CLEC4C: variants seen among roughly 807,000 people sequenced by gnomAD.
The protein encoded by CLEC4C is C-type (calcium dependent, carbohydrate-recognition domain) lectin, superfamily member 11.
CLEC4C carries 17 observed loss-of-function variants against 27.7 expected under a neutral mutation model. The ratio of observed to expected loss-of-function variants is 0.61; its 90% CI spans 0.42 to 0.92. CLEC4C has a LOEUF of 0.92. CLEC4C is among the 40% of genes least tolerant of loss of function. The pLI is 0.00. For synonymous variants in CLEC4C, 80 were observed against 80.8 expected (o/e 0.99, Z 0.06); for missense variants, 244 against 257.3 (o/e 0.95, Z 0.35).
At chr12:7,732,817 C>T (rs1393491476) in intron 4 of CLEC4C, among the ~76,000 whole-genome samples, 6 of 150,766 alleles carry the variant, frequency 4.0e-5, no homozygotes, top group East Asian at 4.0e-4. Context: ...AAAAATTAGC[C>T]GGGCATGGTG....
At chr12:7,745,058 C>A (rs1864939867) in intron 2 of CLEC4C, among the ~76,000 whole-genome samples, 1 of 152,046 alleles carries the variant, frequency 6.6e-6, no homozygotes, top group African/African-American at 2.4e-5. Context: ...CTAGATGGTA[C>A]CCACCATCAG....
chr12:7,747,443 C>A (rs1865009106), upstream of CLEC4C: 5 of 1,304,312 alleles, frequency 3.8e-6, no homozygotes, highest in Non-Finnish European at 5.6e-6. Context: ...GGGTGTGGTT[C>A]TTTCAAACAA....
intron 5 of CLEC4C, 127 bp downstream of exon 5, chr12:7,730,670 A>G: frequency 2.0e-6 from 1 of 493,058 alleles, no homozygotes; most frequent in Non-Finnish European, 3.7e-6. Flanking sequence ...ACAACCCTTG[A>G]TGTCAAATAG....
chr12:7,733,535 G>T (rs1864648112), intron 4 of CLEC4C, among the ~76,000 whole-genome samples: 1 of 147,314 alleles, frequency 6.8e-6, no homozygotes, highest in Non-Finnish European at 1.5e-5. Flanking sequence ...AGGCTAGAGT[G>T]CAGTGGCGAG....
chr12:7,747,548 T>C (rs1865011757), upstream of CLEC4C: 2 of 422,666 alleles, frequency 4.7e-6, no homozygotes, highest in South Asian at 9.1e-5. Context: ...ATTTAAAACA[T>C]ACATCATGTT....
intron 3 of CLEC4C, among the ~76,000 whole-genome samples, chr12:7,740,171 T>C (rs1157351143): frequency 2.0e-5 from 3 of 151,576 alleles, no homozygotes; most frequent in Non-Finnish European, 4.4e-5. Flanking sequence ...AGAGTTGAGG[T>C]CCCATCTTGT....
Position 7,742,901 on chromosome 12 carries a change from C to T in CLEC4C, c.125-1370G>A, listed in dbSNP as rs759122008. Among the ~76,000 whole-genome samples, 100 of 152,284 alleles carry T rather than the reference C, an allele frequency of 6.6e-4. 1 individual carries two copies. The highest frequency in any genetic ancestry group is 2.2e-3 in the African/African-American group (93 of 41,556). On this transcript the variant is annotated intron_variant, in intron 2 of 5. Coordinates refer to ENST00000360345, the MANE Select transcript of CLEC4C (RefSeq NM_001371390.1). Reference sequence around the variant, plus strand: ...TCTGCAACATCTCTCTCTTGCCCATCCCATTTCAAGCCGTACTGTTTTTTT... The same window carrying T: ...TCTGCAACATCTCTCTCTTGCCCATTCCATTTCAAGCCGTACTGTTTTTTT...
chr12:7,733,646 T>C (rs1302693107), intron 4 of CLEC4C, among the ~76,000 whole-genome samples: 1 of 151,374 alleles, frequency 6.6e-6, no homozygotes, highest in Non-Finnish European at 1.5e-5. Flanking sequence ...CATGCCCTGC[T>C]AATTTTTTGT....
intron 4 of CLEC4C, among the ~76,000 whole-genome samples, chr12:7,734,297 G>A (rs181339170): frequency 1.7e-3 from 258 of 152,268 alleles, no homozygotes; most frequent in African/African-American, 5.9e-3. Flanking sequence ...CATGGCTGGG[G>A]AGACAGGATG....
In CLEC4C at chr12:7,747,168, G is replaced by A. The variant is rs1202497386; in HGVS notation, c.31+150C>T. 1.3e-5 allele frequency: 10 copies of A among 752,550 alleles called. No individual in the cohort carries two copies. The Middle Eastern group carries it at 7.6e-4, about 58-fold the overall frequency. The allele number at this position is 752,550 out of a possible 1,614,324, so 46.6% of individuals were successfully genotyped here. A position where few individuals can be genotyped will look rare whatever the true frequency, so the allele number is the denominator to read the frequency against. On this transcript the variant is annotated intron_variant, in intron 1 of 5. Coordinates refer to ENST00000360345, the MANE Select transcript of CLEC4C (RefSeq NM_001371390.1). ...ATCTTTCCCTGATCCAAGTATCTTG[G>A]GTCCATACCTGTTTCCATACTGAAA...
In CLEC4C at chr12:7,733,014, T is replaced by C. The variant is rs1864636698; in HGVS notation, c.382-2102A>G. Among the ~76,000 whole-genome samples, 5 of 152,028 alleles carry C rather than the reference T, an allele frequency of 3.3e-5. No individual in the cohort carries two copies. In the South Asian group the frequency reaches 1.0e-3, roughly 31 times the overall value. On this transcript the variant is annotated intron_variant, in intron 4 of 5. Transcript: ENST00000360345. Reference sequence around the variant, plus strand: ...AGTTAAAATTAGTCATTGTCTACTATATGCCAAGTATTATGCCATGAGTTT... The same window carrying C: ...AGTTAAAATTAGTCATTGTCTACTACATGCCAAGTATTATGCCATGAGTTT...
chr12:7,738,431 C>G (rs992927954), intron 3 of CLEC4C, among the ~76,000 whole-genome samples: 2 of 152,138 alleles, frequency 1.3e-5, no homozygotes, highest in Admixed American at 1.3e-4. Flanking sequence ...TTCCCTCTAA[C>G]AAACAGTGAC....
chr12:7,730,634 T>A (rs1864573791), intron 5 of CLEC4C, 163 bp downstream of exon 5: 1 of 435,750 alleles, frequency 2.3e-6, no homozygotes, highest in Non-Finnish European at 4.2e-6. Context: ...AGTGAGACTC[T>A]TGTCTAAAAA....
intron 4 of CLEC4C, among the ~76,000 whole-genome samples, chr12:7,734,098 A>G (rs186036949): frequency 6.6e-6 from 1 of 152,220 alleles, no homozygotes; most frequent in Admixed American, 6.6e-5. Context: ...ATTTTGACAT[A>G]GGTTTTCAGA....
At chr12:7,740,801 G>A (rs1296531232) in intron 3 of CLEC4C, among the ~76,000 whole-genome samples, 1 of 151,446 alleles carries the variant, frequency 6.6e-6, no homozygotes, top group East Asian at 1.9e-4. Context: ...GAGGAAGTGA[G>A]ACAGTTCTGA....
At chr12:7,738,156 A>G (rs988093820) in intron 3 of CLEC4C, among the ~76,000 whole-genome samples, 4 of 152,224 alleles carry the variant, frequency 2.6e-5, no homozygotes, top group Non-Finnish European at 5.9e-5. Flanking sequence ...ATCCCATTAT[A>G]AAGAATGAGT....
At position 7,732,455 on chromosome 12, in the gene CLEC4C, G is replaced by A. The variant is rs576646646; in HGVS notation, c.382-1543C>T. ...CAACCTCCAAATCCCTGGTTCAAGC[G>A]GTTCTTCTGCCTCAGGCTCCAGAGT... On this transcript the variant is annotated intron_variant, in intron 4 of 5. Coordinates refer to ENST00000360345, the MANE Select transcript of CLEC4C (RefSeq NM_001371390.1). Among the ~76,000 whole-genome samples the A allele has an allele frequency of 3.7e-3, 561 of 150,840 alleles. 5 individuals carry two copies. The highest frequency in any genetic ancestry group is 6.0e-3 in the Non-Finnish European group (408 of 67,942).
intron 3 of CLEC4C, among the ~76,000 whole-genome samples, chr12:7,738,916 A>G (rs1864788813): frequency 6.6e-6 from 1 of 150,688 alleles, no homozygotes; most frequent in African/African-American, 2.4e-5. Flanking sequence ...GCACCCATTA[A>G]CTCGTCATTT....
At chr12:7,734,522 T>C (rs1864675091) in intron 4 of CLEC4C, among the ~76,000 whole-genome samples, 1 of 151,930 alleles carries the variant, frequency 6.6e-6, no homozygotes, top group African/African-American at 2.4e-5. Context: ...GAAAATACTC[T>C]TTGGAAGAGA....
Sources: allele counts gnomAD v4.1 joint callset (sites outside exome capture counted in the v4.1 genomes callset), GRCh38; gene constraint gnomAD v4.1.1; transcripts MANE v1.5; gene names NCBI Gene and HGNC (gene_info 2026-07-23, HGNC 2026-07-21).